The following CHD1 variants were observed in gnomAD, a reference collection of about 807,000 sequenced individuals.
CHD1 encodes the protein ATP-dependent chromatin remodeler CHD1.
Under a neutral mutation model 224.2 loss-of-function variants are expected in CHD1, and 36 were observed. That is an observed-to-expected ratio of 0.16 (90% CI 0.12 to 0.21). The LOEUF is 0.21. Among genes scored for constraint, CHD1 ranks in the 10% least tolerant of loss-of-function variants. The pLI, the probability that CHD1 is intolerant of heterozygous loss-of-function variation, is 1.00. For synonymous variants in CHD1, 668 were observed against 658.3 expected, an observed-to-expected ratio of 1.01 and a Z score of -0.23; for missense variants, 1,378 against 1,994.8, an observed-to-expected ratio of 0.69 and a Z score of 5.89.
In CHD1 at chr5:98,901,246, T is replaced by C; in HGVS notation, c.527A>G (p.Asp176Gly). ...TGGCTCATAATCAGATTCTGTTTCATCACAACTGCTTTTCTCTCTCTCTTC... is the reference window on the plus strand; with the variant it reads ...TGGCTCATAATCAGATTCTGTTTCACCACAACTGCTTTTCTCTCTCTCTTC... The part of the protein sequence containing the change: ...SEEEREKSSC[D>G]ETESDYEPKN... Residue 176 changes from aspartate (D) to glycine (G), a missense_variant, in exon 6 of 36, where the codon GAT becomes GGT. This residue lies in a region of CHD1 where 306 missense variants were observed against 298.1 expected (regional missense o/e 1.03). Transcript: ENST00000614616. 7 of 1,614,038 alleles carry C rather than the reference T, an allele frequency of 4.3e-6. No individual in the cohort carries two copies. The highest frequency in any genetic ancestry group is 5.9e-6 in the Non-Finnish European group (7 of 1,179,972).
intron 23 of CHD1, among the ~76,000 whole-genome samples, chr5:98,877,815 A>G (rs1198495362): frequency 6.6e-6 from 1 of 152,192 alleles, no homozygotes; most frequent in Admixed American, 6.5e-5. Flanking sequence ...TCAGGCCAAA[A>G]GCATTATTTT....
In CHD1 at chr5:98,879,682, G is replaced by T; in HGVS notation, c.3107C>A (p.Pro1036His). 1 of 1,607,462 alleles carries T rather than the reference G, an allele frequency of 6.2e-7. No homozygotes were observed. ...NMDEDDIELE[P>H]ERNSKNWEEI... The stretch of plus-strand genomic sequence containing the variant: ...CTCCCAATTCTTTGAATTTCTTTCA[G>T]GTTCCAACTCAATGTCATCCTCATC... Residue 1036 changes from proline (P) to histidine (H), a missense_variant, in exon 23 of 36, where the codon CCT becomes CAT. Around this residue, in one of 16 missense-constraint regions of CHD1, gnomAD observed 286 missense variants for 445.1 expected, o/e 0.64. Transcript: ENST00000614616.
chr5:98,861,236 G>A (rs1240016395), intron 32 of CHD1, among the ~76,000 whole-genome samples: 2 of 151,874 alleles, frequency 1.3e-5, no homozygotes, highest in Non-Finnish European at 2.9e-5. Flanking sequence ...TTTTTCTTCT[G>A]TAAAATGGAA....
chr5:98,898,565 C>A (rs1218161432), intron 9 of CHD1, 99 bp downstream of exon 9: 2 of 1,194,366 alleles, frequency 1.7e-6, no homozygotes, highest in South Asian at 3.1e-5. Context: ...TTAGTAAGAG[C>A]AAGCTACTGT....
chr5:98,896,155 A>C, intron 12 of CHD1, 71 bp downstream of exon 12: 1 of 1,361,622 alleles, frequency 7.3e-7, no homozygotes, highest in Non-Finnish European at 1.0e-6. Context: ...ACCCCATCTC[A>C]AAACAACAAA....
At chr5:98,918,491 C>T (rs965218151) in intron 2 of CHD1, among the ~76,000 whole-genome samples, 2 of 151,160 alleles carry the variant, frequency 1.3e-5, no homozygotes, top group African/African-American at 2.4e-5. Context: ...CTTCCTGAGC[C>T]GGGCGCGGGA....
chr5:98,896,799 A>AC (rs939990079), intron 11 of CHD1, among the ~76,000 whole-genome samples: 1 of 151,554 alleles, frequency 6.6e-6, no homozygotes, highest in African/African-American at 2.4e-5. Flanking sequence ...ATTAAAAAAA[A>AC]AAACTATAGC....
chr5:98,864,172 T>C (rs1038874496), intron 31 of CHD1, among the ~76,000 whole-genome samples: 1 of 152,242 alleles, frequency 6.6e-6, no homozygotes, highest in Non-Finnish European at 1.5e-5. Flanking sequence ...ATATTAAGAA[T>C]TGCATGTTTT....
intron 20 of CHD1, 152 bp downstream of exon 20, chr5:98,881,823 T>C (rs959161051): frequency 2.0e-5 from 12 of 597,848 alleles, no homozygotes; most frequent in African/African-American, 5.6e-5. Flanking sequence ...ATTTGAAGTA[T>C]GTCTTCTAAC....
At chr5:98,887,507 A>G (rs1750729089) in intron 17 of CHD1, among the ~76,000 whole-genome samples, 1 of 152,188 alleles carries the variant, frequency 6.6e-6, no homozygotes, top group South Asian at 2.1e-4. Context: ...GAATTAAGTA[A>G]TTAGATCTGA....
intron 30 of CHD1, 98 bp downstream of exon 30, chr5:98,869,656 T>A: frequency 1.0e-5 from 12 of 1,156,844 alleles, no homozygotes; most frequent in African/African-American, 8.8e-5. Flanking sequence ...ACACACAGAC[T>A]TCGGTACCTA....
Position 98,856,680 on chromosome 5 carries a change from C to T in CHD1, c.4833G>A (p.Arg1611=), listed in dbSNP as rs777872639. The T allele has an allele frequency of 1.9e-6, 3 of 1,612,168 alleles. No individual in the cohort carries two copies. In the South Asian group the frequency reaches 3.3e-5, roughly 18 times the overall value. Residue 1611 remains arginine, a synonymous_variant, in exon 36 of 36, where the codon AGG becomes AGA. Transcript: ENST00000614616. ...REKHRKLDDH[R]SRDHRSNLEG... ...CCAAATTTGACCTGTGATCTCTACT[C>T]CTGTGATCATCCAGTTTTCTGTGTT...
Position 98,858,275 on chromosome 5 carries a change from A to C in CHD1, c.4692T>G (p.Asp1564Glu), listed in dbSNP as rs1375062259. 1 of 1,613,280 alleles carries C rather than the reference A, an allele frequency of 6.2e-7. No individual in the cohort carries two copies. Among genetic ancestry groups the C allele is most frequent in the Admixed American group, 1.7e-5 (1 of 60,000 alleles). Residue 1564 changes from aspartate to glutamate, a missense_variant, in exon 35 of 36, where the codon GAT becomes GAG. Around this residue, in one of 16 missense-constraint regions of CHD1, gnomAD observed 278 missense variants for 298.5 expected, o/e 0.93. Transcript: ENST00000614616. ...HDHHKDRHQGDSYKKSDSRKR... is the reference protein window; with the variant it reads ...HDHHKDRHQGESYKKSDSRKR... Reference sequence around the variant, plus strand: ...TCCTGGAATCACTTTTTTTGTAAGAATCTCCCTGATGTCGGTCTTTATGAT... The same window carrying C: ...TCCTGGAATCACTTTTTTTGTAAGACTCTCCCTGATGTCGGTCTTTATGAT...
chr5:98,856,458 A>G lies in CHD1; in HGVS notation c.5055T>C (p.Tyr1685=), dbSNP rs376540866. 1.9e-6 allele frequency: 3 copies of G among 1,599,764 alleles called. No homozygotes were observed. Among genetic ancestry groups the G allele is most frequent in the African/African-American group, 2.9e-5 (2 of 69,426 alleles). The stretch of plus-strand genomic sequence containing the variant: ...AATGTTCAAATGGAGATCTGGAGCC[A>G]TAAGGAGATCTCTGATCTAGTGGTG... ...PRSPLDQRSP[Y]GSRSPFEHSV... Residue 1685 remains tyrosine (Y), a synonymous_variant, in exon 36 of 36, where the codon TAT becomes TAC. Transcript: ENST00000614616.
At chr5:98,857,628 G>T (rs962726774) in intron 35 of CHD1, among the ~76,000 whole-genome samples, 1 of 151,914 alleles carries the variant, frequency 6.6e-6, no homozygotes, top group Admixed American at 6.6e-5. Context: ...TATCAATAAA[G>T]GAATAAAAAG....
At chr5:98,868,717 T>G (rs894010181) in intron 30 of CHD1, 82 bp from the exon 31 acceptor site, 1 of 1,273,332 alleles carries the variant, frequency 7.9e-7, no homozygotes, top group Non-Finnish European at 1.1e-6. Flanking sequence ...AGAAAATAAT[T>G]ACTGTCTCAT....
intron 7 of CHD1, 53 bp from the exon 8 acceptor site, chr5:98,899,758 A>T: frequency 1.6e-6 from 2 of 1,286,694 alleles, no homozygotes; most frequent in Non-Finnish European, 2.2e-6. Flanking sequence ...TTGTAGGATT[A>T]TATTTCAACT....
chr5:98,885,995 T>C (rs1463121948), intron 17 of CHD1: 1 of 177,668 alleles, frequency 5.6e-6, no homozygotes, highest in African/African-American at 2.4e-5. Context: ...TGTTTTATCA[T>C]TTTACTTTCA....
chr5:98,901,393 TA>T, intron 5 of CHD1, 58 bp from the exon 6 acceptor site: 1 of 1,384,328 alleles, frequency 7.2e-7, no homozygotes, highest in East Asian at 2.3e-5. Flanking sequence ...GTTTTATCCC[TA>T]ATACAAAGAT....
Sources: allele counts gnomAD v4.1 joint callset (sites outside exome capture counted in the v4.1 genomes callset), GRCh38; gene constraint gnomAD v4.1.1; regional missense constraint gnomAD v4.1.1; transcripts MANE v1.5; gene names NCBI Gene and HGNC (gene_info 2026-07-23, HGNC 2026-07-21).